The following CADPS variants were observed in gnomAD, a reference collection of about 807,000 sequenced individuals.
CADPS encodes the protein calcium dependent secretion activator, also known as calcium-dependent secretion activator 1.
A neutral mutation model predicts 167.3 loss-of-function variants in CADPS; 57 were observed. The observed-to-expected ratio is 0.34, with a 90% confidence interval of 0.28 to 0.42. The LOEUF (loss-of-function observed/expected upper bound fraction) is 0.42, where lower values mean the gene tolerates loss of function less well. CADPS is among the 20% of genes least tolerant of loss of function. The pLI, the probability that CADPS is intolerant of heterozygous loss-of-function variation, is 1.00. For synonymous variants in CADPS, 676 were observed against 635.3 expected (o/e 1.06, Z -0.96); for missense variants, 1,414 against 1,738.1 (o/e 0.81, Z 3.32).
At chr3:62,665,589 C>T (rs1579987733) in intron 3 of CADPS, among the ~76,000 whole-genome samples, 2 of 152,334 alleles carry the variant, frequency 1.3e-5, no homozygotes, top group East Asian at 3.9e-4. Flanking sequence ...AGCTCAGCAA[C>T]CTCACTTTGT....
At position 62,420,999 on chromosome 3, in the gene CADPS, G is replaced by T. The variant is rs1054868306; in HGVS notation, c.3777+17105C>A. On this transcript the variant is annotated intron_variant, in intron 28 of 29. Coordinates refer to ENST00000383710, the MANE Select transcript of CADPS (RefSeq NM_003716.4). This position sits in a 1 kb window ranked among gnomAD's most constrained non-coding sequence, Gnocchi z 4.1. ...TAAAAGGCACAAACCTCAGACCATT[G>T]TCCTTATACAAGATACACATTCAAC... is the stretch of plus-strand genomic sequence containing the variant. Among the ~76,000 whole-genome samples, 2 of 151,850 alleles carry T rather than the reference G, an allele frequency of 1.3e-5. No homozygotes were observed. The highest frequency in any genetic ancestry group is 2.1e-4 in the South Asian group (1 of 4,806).
At chr3:62,750,312 C>T (rs749809820) in intron 3 of CADPS, among the ~76,000 whole-genome samples, 1 of 127,724 alleles carries the variant, frequency 7.8e-6, no homozygotes, top group South Asian at 2.6e-4. Flanking sequence ...GCTTGTGCCA[C>T]TGCACTCTAC....
intron 28 of CADPS, among the ~76,000 whole-genome samples, chr3:62,434,230 T>C (rs985319510): frequency 3.9e-5 from 6 of 152,172 alleles, no homozygotes; most frequent in African/African-American, 1.4e-4. Context: ...CTGCAGCAAC[T>C]GAAAACAATA....
At chr3:62,548,342 G>A in intron 11 of CADPS, among the ~76,000 whole-genome samples, 1 of 152,132 alleles carries the variant, frequency 6.6e-6, no homozygotes, top group East Asian at 1.9e-4. Flanking sequence ...GAATACAAGA[G>A]TGGAGAACTT....
chr3:62,856,132 T>A (rs1260872821), intron 1 of CADPS, among the ~76,000 whole-genome samples: 1 of 152,128 alleles, frequency 6.6e-6, no homozygotes, highest in Non-Finnish European at 1.5e-5. Context: ...CCTCAGCTGA[T>A]AGGGACAGAA....
chr3:62,437,816 T>TAC (rs2055457178), intron 28 of CADPS, among the ~76,000 whole-genome samples: 1 of 152,014 alleles, frequency 6.6e-6, no homozygotes, highest in South Asian at 2.1e-4. Context: ...CTTTGCCAGT[T>TAC]AGAGAGAGCT....
chr3:62,685,817 G>A (rs62242520), intron 3 of CADPS, among the ~76,000 whole-genome samples: 84,690 of 151,770 alleles, frequency 0.56, 24,610 homozygotes, highest in East Asian at 0.95. Context: ...TAGGGTTTGC[G>A]CTCCTATGAG....
At chr3:62,511,148 T>C (rs192825172) in intron 17 of CADPS, among the ~76,000 whole-genome samples, 177 of 152,282 alleles carry the variant, frequency 1.2e-3, no homozygotes, top group African/African-American at 4.1e-3. Flanking sequence ...AAAATCCATA[T>C]GCATGCCAAG....
chr3:62,757,389 C>T (rs760042251), intron 2 of CADPS, among the ~76,000 whole-genome samples: 21 of 152,170 alleles, frequency 1.4e-4, no homozygotes, highest in Admixed American at 9.8e-4. Context: ...GCAGGGTAGT[C>T]GTTGTTTGTT....
chr3:62,568,717 T>C (rs529001834), intron 9 of CADPS, among the ~76,000 whole-genome samples: 1 of 152,330 alleles, frequency 6.6e-6, no homozygotes, highest in South Asian at 2.1e-4. Context: ...CCCTAATAAA[T>C]GCCCTTTCTT....
intron 1 of CADPS, among the ~76,000 whole-genome samples, chr3:62,792,458 C>T (rs1218887217): frequency 1.3e-5 from 2 of 152,194 alleles, no homozygotes; most frequent in Admixed American, 1.3e-4. Context: ...CCCGCCTCAG[C>T]CTCCCACAGT....
chr3:62,714,858 TCG>T (rs1249871906), intron 3 of CADPS, among the ~76,000 whole-genome samples: 1 of 152,082 alleles, frequency 6.6e-6, no homozygotes, highest in African/African-American at 2.4e-5. Context: ...TAAAAGAGGC[TCG>T]AGAGAGATAG....
intron 12 of CADPS, among the ~76,000 whole-genome samples, chr3:62,533,949 C>T (rs1233001827): frequency 6.6e-6 from 1 of 152,104 alleles, no homozygotes; most frequent in Non-Finnish European, 1.5e-5. Context: ...CCAAACTCTG[C>T]TATACAAGAC....
chr3:62,768,812 G>C (rs2087678826), intron 1 of CADPS, among the ~76,000 whole-genome samples: 1 of 152,158 alleles, frequency 6.6e-6, no homozygotes, highest in African/African-American at 2.4e-5. Flanking sequence ...AAGGAGCTAA[G>C]GAACTTCAGG....
At chr3:62,576,380 G>T (rs1286741354) in intron 8 of CADPS, among the ~76,000 whole-genome samples, 2 of 152,230 alleles carry the variant, frequency 1.3e-5, no homozygotes, top group Non-Finnish European at 2.9e-5. Flanking sequence ...ACTTTATAGA[G>T]TTCTTGTGAG....
chr3:62,587,368 G>C, intron 7 of CADPS, among the ~76,000 whole-genome samples: 1 of 152,196 alleles, frequency 6.6e-6, no homozygotes, highest in East Asian at 1.9e-4. Flanking sequence ...TTTTCTCCAG[G>C]AACTGCCTGT....
rs778955500 is a variant in CADPS, at chr3:62,412,746, G to A, written c.3778-9561C>T. Among the ~76,000 whole-genome samples, 2 of 152,148 alleles carry A rather than the reference G, an allele frequency of 1.3e-5. No individual in the cohort carries two copies. The highest frequency in any genetic ancestry group is 6.5e-5 in the Admixed American group (1 of 15,272). ...TTGCATGGGGGAAATTTCAAGGGGA[G>A]GCAAGAGTCCAGAAGGATCCTTTCT... On this transcript the variant is annotated intron_variant, in intron 28 of 29. Transcript: ENST00000383710. This position sits in a 1 kb window ranked among gnomAD's most constrained non-coding sequence, Gnocchi z 4.1.
chr3:62,403,005 G>A, intron 29 of CADPS, 76 bp downstream of exon 29: 1 of 904,184 alleles, frequency 1.1e-6, no homozygotes, highest in Non-Finnish European at 1.7e-6. Flanking sequence ...TTTGTGTTAA[G>A]CAAGCTTTGC....
At chr3:62,536,277 G>T in intron 12 of CADPS, 168 bp downstream of exon 12, 1 of 604,242 alleles carries the variant, frequency 1.7e-6, no homozygotes, top group Non-Finnish European at 2.8e-6. Flanking sequence ...GCTCAGTCTT[G>T]TTTCTTTGGT....
Sources: allele counts gnomAD v4.1 joint callset (sites outside exome capture counted in the v4.1 genomes callset), GRCh38; gene constraint gnomAD v4.1.1; non-coding constraint Gnocchi (gnomAD v3.1); transcripts MANE v1.5; gene names NCBI Gene and HGNC (gene_info 2026-07-23, HGNC 2026-07-21).